Variants in RPA3 observed in about 807,000 individuals in gnomAD.
RPA3 encodes replication protein A3.
In RPA3, 24 loss-of-function variants were observed where a neutral mutation model predicts 13.7. That is an observed-to-expected ratio of 1.75 (90% CI 1.27 to 2.46). RPA3 has a LOEUF of 2.46. RPA3 is among the 30% of genes most tolerant of loss of function. RPA3 has a pLI of 0.00. For synonymous variants in RPA3, 59 were observed against 51.2 expected (o/e 1.15, Z -0.65); for missense variants, 183 against 151.0 (o/e 1.21, Z -1.11).
chr7:7,662,572 T>C (rs1375917205), intron 4 of RPA3, among the ~76,000 whole-genome samples: 1 of 150,982 alleles, frequency 6.6e-6, no homozygotes, highest in Admixed American at 6.6e-5. Flanking sequence ...GGGGAGGGAG[T>C]TTCCCAACCC....
At chr7:7,649,459 A>C (rs1293705378) in intron 4 of RPA3, among the ~76,000 whole-genome samples, 1 of 152,210 alleles carries the variant, frequency 6.6e-6, no homozygotes, top group Non-Finnish European at 1.5e-5. Context: ...CCAGCTCTCA[A>C]CACTGTTGCA....
chr7:7,643,930 C>T (rs1185619495), intron 4 of RPA3, among the ~76,000 whole-genome samples: 1 of 152,052 alleles, frequency 6.6e-6, no homozygotes, highest in Admixed American at 6.6e-5. Context: ...ATTTTTTCGT[C>T]TGAGGAGGCA....
chr7:7,675,953 A>G (rs1358740204), intron 4 of RPA3: 1 of 389,614 alleles, frequency 2.6e-6, no homozygotes, highest in African/African-American at 2.1e-5. Flanking sequence ...CCCCTTCACC[A>G]TTTTCATAAA....
chr7:7,650,676 G>A (rs1404387250), intron 4 of RPA3, among the ~76,000 whole-genome samples: 19 of 152,218 alleles, frequency 1.2e-4, no homozygotes, highest in Admixed American at 1.2e-3. Context: ...GGTTAAAGTG[G>A]CAATGTTACT....
At chr7:7,661,760 T>C (rs1002458495) in intron 4 of RPA3, among the ~76,000 whole-genome samples, 4 of 152,140 alleles carry the variant, frequency 2.6e-5, no homozygotes, top group African/African-American at 9.6e-5. Flanking sequence ...CTGGGAGGTG[T>C]CTCCCAGTCA....
rs779431986 is a variant in RPA3, at chr7:7,639,195, G to A, written c.100-51C>T. 7.9e-6 allele frequency: 11 copies of A among 1,393,414 alleles called. No individual in the cohort carries two copies. In the South Asian group the frequency reaches 1.3e-4, roughly 17 times the overall value. 86.3% of individuals were successfully genotyped at this position (1,393,414 alleles called of 1,614,324 possible). The stretch of plus-strand genomic sequence containing the variant: ...TCTCACTAAAACAACAACAAAGTTT[G>A]ACTAAAGATGAGTACATTGATCCTT... On this transcript the variant is annotated intron_variant, in intron 5 of 7. Coordinates refer to ENST00000223129, the MANE Select transcript of RPA3 (RefSeq NM_002947.5).
chr7:7,673,306 C>T, intron 4 of RPA3: 2 of 1,101,860 alleles, frequency 1.8e-6, no homozygotes, highest in Non-Finnish European at 1.3e-6. Flanking sequence ...GTTTCTATTT[C>T]AGGTAGCAGC....
chr7:7,643,646 A>G (rs1583685836), intron 4 of RPA3, among the ~76,000 whole-genome samples: 1 of 150,978 alleles, frequency 6.6e-6, no homozygotes, highest in Admixed American at 6.6e-5. Context: ...CGAGAGGCGG[A>G]GCTTGCAGTG....
At chr7:7,671,098 T>G (rs988033880) in intron 4 of RPA3, among the ~76,000 whole-genome samples, 17 of 152,226 alleles carry the variant, frequency 1.1e-4, no homozygotes, top group African/African-American at 4.1e-4. Context: ...AAGGGTTGTT[T>G]TAAGCATTCA....
rs1255172737 is a variant in RPA3, at chr7:7,640,453, C to T, written c.-35G>A. The T allele has an allele frequency of 6.2e-7, 1 of 1,600,378 alleles. No homozygotes were observed. The highest frequency in any genetic ancestry group is 1.7e-5 in the Admixed American group (1 of 59,950). ...CCAAGACTGCGGCTGGCGGGAAACC[C>T]ACGGACGACTGAAACTGTGCGCCCC... On this transcript the variant is annotated 5_prime_UTR_variant, in exon 5 of 8. Transcript: ENST00000223129.
intron 2 of RPA3, among the ~76,000 whole-genome samples, chr7:7,710,186 T>C (rs1780718993): frequency 6.6e-6 from 1 of 152,188 alleles, no homozygotes; most frequent in Admixed American, 6.5e-5. Flanking sequence ...ATATCTGTTC[T>C]GATGATGAAC....
At chr7:7,684,363 G>A (rs928733804) in intron 4 of RPA3, among the ~76,000 whole-genome samples, 6 of 151,404 alleles carry the variant, frequency 4.0e-5, no homozygotes, top group East Asian at 2.0e-4. Context: ...CACCATTCCC[G>A]GCTAATTTTT....
chr7:7,680,779 T>G (rs1475308592), intron 4 of RPA3, among the ~76,000 whole-genome samples: 1 of 152,156 alleles, frequency 6.6e-6, no homozygotes, highest in Non-Finnish European at 1.5e-5. Flanking sequence ...TATTTATTCC[T>G]AAGTATTTTA....
At chr7:7,680,831 C>G (rs1779890683) in intron 4 of RPA3, among the ~76,000 whole-genome samples, 1 of 150,736 alleles carries the variant, frequency 6.6e-6, no homozygotes, top group African/African-American at 2.4e-5. Flanking sequence ...TTCTTGGTTT[C>G]TTTTTCAAAT....
At chr7:7,705,349 A>G (rs1407920085) in intron 2 of RPA3, among the ~76,000 whole-genome samples, 4 of 152,342 alleles carry the variant, frequency 2.6e-5, no homozygotes, top group African/African-American at 9.6e-5. Context: ...ATAACCACCT[A>G]CATTATTAGA....
rs540292648 is a variant in RPA3 at position 7,715,003 on chromosome 7, A to G, written c.-1028+172T>C. Among the ~76,000 whole-genome samples, 3 of 152,276 alleles carry G rather than the reference A, an allele frequency of 2.0e-5. No homozygotes were observed. In the South Asian group the frequency reaches 6.2e-4, roughly 32 times the overall value. ...GGAATTACAGTTGCCATAGGCAGCAATGAAACTAGAACTAACCAACTGCAG... is the reference window on the plus strand; with the variant it reads ...GGAATTACAGTTGCCATAGGCAGCAGTGAAACTAGAACTAACCAACTGCAG... On this transcript the variant is annotated intron_variant, in intron 2 of 7. Coordinates refer to ENST00000223129, the MANE Select transcript of RPA3 (RefSeq NM_002947.5).
chr7:7,695,272 A>G (rs1780282265), intron 2 of RPA3, among the ~76,000 whole-genome samples: 1 of 152,162 alleles, frequency 6.6e-6, no homozygotes, highest in African/African-American at 2.4e-5. Flanking sequence ...ACTTGCTGTC[A>G]ACATTTTCCC....
chr7:7,666,032 G>T (rs1779444556), intron 4 of RPA3, among the ~76,000 whole-genome samples: 1 of 151,822 alleles, frequency 6.6e-6, no homozygotes, highest in Non-Finnish European at 1.5e-5. Flanking sequence ...TTTCCTAAGG[G>T]CTAAGTTATA....
chr7:7,651,737 C>T (rs1198434719), intron 4 of RPA3, among the ~76,000 whole-genome samples: 1 of 152,158 alleles, frequency 6.6e-6, no homozygotes, highest in Non-Finnish European at 1.5e-5. Context: ...AACAGGCATT[C>T]ATCATATGTG....
Sources: gnomAD v4.1 joint callset for allele counts (sites outside exome capture counted in the v4.1 genomes callset) on GRCh38, gnomAD v4.1.1 for gene constraint, MANE v1.5 for transcripts, NCBI Gene and HGNC (gene_info 2026-07-23, HGNC 2026-07-21) for gene names.